The following COL21A1 variants were observed in gnomAD, a reference collection of about 807,000 sequenced individuals.
COL21A1 encodes the protein collagen alpha-1(XXI) chain.
A neutral mutation model predicts 137.9 loss-of-function variants in COL21A1; 149 were observed. The observed-to-expected ratio is 1.08, with a 90% CI of 0.95 to 1.24. COL21A1 has a LOEUF of 1.24. Among genes scored for constraint, COL21A1 ranks in the 50% most tolerant of loss-of-function variants. The pLI, the probability that COL21A1 is intolerant of heterozygous loss-of-function variation, is 0.00. For missense variants in COL21A1, 1,167 were observed against 1,158.4 expected (o/e 1.01, Z -0.11); for synonymous variants, 456 against 391.5 (o/e 1.16, Z -1.95).
At chr6:56,232,721 A>G (rs1207546512) in intron 1 of COL21A1, among the ~76,000 whole-genome samples, 2 of 151,950 alleles carry the variant, frequency 1.3e-5, no homozygotes, top group African/African-American at 4.8e-5. Context: ...TTATTTTACT[A>G]CATCATCCAA....
At chr6:56,153,048 T>A (rs1371181940) in intron 10 of COL21A1, among the ~76,000 whole-genome samples, 1 of 152,040 alleles carries the variant, frequency 6.6e-6, no homozygotes, top group Non-Finnish European at 1.5e-5. Context: ...AGTGAGGAAA[T>A]GCAATAAAGT....
chr6:56,156,836 T>C (rs2152257814), intron 10 of COL21A1, 51 bp downstream of exon 10: 4 of 1,446,854 alleles, frequency 2.8e-6, no homozygotes, highest in Non-Finnish European at 2.9e-6. Context: ...ACTTTTACTT[T>C]GACACTGTAA....
At chr6:56,183,608 C>T (rs1432725414) in intron 1 of COL21A1, among the ~76,000 whole-genome samples, 22 of 152,100 alleles carry the variant, frequency 1.4e-4, no homozygotes, top group Admixed American at 1.4e-3. Flanking sequence ...GAGAGTCTGT[C>T]CCTCTTCCTC....
intron 20 of COL21A1, among the ~76,000 whole-genome samples, chr6:56,072,726 T>C (rs1344513608): frequency 6.6e-6 from 1 of 151,612 alleles, no homozygotes; most frequent in Admixed American, 6.6e-5. Flanking sequence ...GAGACTTGTA[T>C]GGCTCTCTAA....
chr6:56,240,380 C>T (rs1488265355), intron 1 of COL21A1, among the ~76,000 whole-genome samples: 1 of 152,138 alleles, frequency 6.6e-6, no homozygotes, highest in Admixed American at 6.5e-5. Context: ...AACAGAACTG[C>T]CAGTGCCTTG....
intron 1 of COL21A1, among the ~76,000 whole-genome samples, chr6:56,290,498 G>GGTTT (rs371058894): frequency 1.5e-5 from 2 of 132,958 alleles, no homozygotes; most frequent in Non-Finnish European, 1.6e-5. Flanking sequence ...TCACTTAGGA[G>GGTTT]ATTTTTTTTT....
intron 1 of COL21A1, among the ~76,000 whole-genome samples, chr6:56,183,432 T>C (rs112072525): frequency 1.2e-4 from 19 of 152,290 alleles, no homozygotes; most frequent in African/African-American, 4.6e-4. Flanking sequence ...TGCCACAGCA[T>C]ATAAAAAATC....
At chr6:56,145,434 A>G (rs1361313207) in intron 10 of COL21A1, among the ~76,000 whole-genome samples, 1 of 152,168 alleles carries the variant, frequency 6.6e-6, no homozygotes, top group African/African-American at 2.4e-5. Context: ...GGGGAATCCT[A>G]GGGCAAAACA....
intron 1 of COL21A1, among the ~76,000 whole-genome samples, chr6:56,268,957 C>G (rs1763458892): frequency 6.6e-6 from 1 of 152,068 alleles, no homozygotes; most frequent in African/African-American, 2.4e-5. Flanking sequence ...AAAAATTTAC[C>G]ACAAGAATTT....
chr6:56,119,843 C>T (rs1480100366), intron 16 of COL21A1, among the ~76,000 whole-genome samples: 1 of 152,128 alleles, frequency 6.6e-6, no homozygotes, highest in Admixed American at 6.5e-5. Context: ...GCTAGGAACA[C>T]TGGATGTTCC....
In COL21A1 at chr6:56,139,382, G is replaced by A. The variant is rs149224430; in HGVS notation, c.1542+2403C>T. ...ACCAGGTTTAAAGAGATTAACAAGT[G>A]TGATTTGGGAGGTAAGCAGTCTAAA... On this transcript the variant is annotated intron_variant, in intron 12 of 29. Coordinates refer to ENST00000244728, the MANE Select transcript of COL21A1 (RefSeq NM_030820.4). 1.2e-4 allele frequency among the ~76,000 whole-genome samples: 19 copies of A among 152,232 alleles called. No homozygotes were observed. The East Asian group carries it at 3.7e-3, about 29-fold the overall frequency.
intron 1 of COL21A1, among the ~76,000 whole-genome samples, chr6:56,221,648 C>G (rs1780834321): frequency 6.6e-6 from 1 of 152,012 alleles, no homozygotes; most frequent in Non-Finnish European, 1.5e-5. Context: ...TGCTTGAGCC[C>G]AGGAGTTCCA....
At chr6:56,213,293 G>A (rs1235631869) in intron 1 of COL21A1, among the ~76,000 whole-genome samples, 1 of 152,048 alleles carries the variant, frequency 6.6e-6, no homozygotes, top group East Asian at 1.9e-4. Context: ...TCATTATGTA[G>A]TGATGTTTTC....
chr6:56,149,962 CAACTG>C (rs1001500958), intron 10 of COL21A1, among the ~76,000 whole-genome samples: 1 of 152,174 alleles, frequency 6.6e-6, no homozygotes, highest in Non-Finnish European at 1.5e-5. Flanking sequence ...TTGCTCACTC[CAACTG>C]AAAGCCAAAC....
intron 1 of COL21A1, among the ~76,000 whole-genome samples, chr6:56,240,865 A>C (rs1427930053): frequency 6.6e-6 from 1 of 152,150 alleles, no homozygotes; most frequent in African/African-American, 2.4e-5. Flanking sequence ...TAGTGTAGAA[A>C]TGACACATAA....
chr6:56,165,006 T>C (rs1776464561), intron 7 of COL21A1, among the ~76,000 whole-genome samples, 184 bp from the exon 8 acceptor site: 1 of 149,072 alleles, frequency 6.7e-6, no homozygotes, highest in Non-Finnish European at 1.5e-5. Context: ...TACTACTCCA[T>C]TCATATAGGA....
intron 3 of COL21A1, among the ~76,000 whole-genome samples, chr6:56,172,535 C>T (rs957052577): frequency 6.6e-6 from 1 of 152,074 alleles, no homozygotes; most frequent in Admixed American, 6.5e-5. Context: ...CTCAAGGAGT[C>T]CTTCAAGATC....
In COL21A1 at chr6:56,223,309, C is replaced by T. The variant is rs952923901; in HGVS notation, c.-39+24078G>A. Among the ~76,000 whole-genome samples the T allele has an allele frequency of 5.3e-5, 8 of 152,098 alleles. No individual in the cohort carries two copies. The East Asian group carries it at 1.6e-3, about 30-fold the overall frequency. Reference sequence around the variant, plus strand: ...TTCCCACTGAAAAGTAAAAGTGTCCCTCTAATATGAAGGGAAAGACTGTAC... The same window carrying T: ...TTCCCACTGAAAAGTAAAAGTGTCCTTCTAATATGAAGGGAAAGACTGTAC... On this transcript the variant is annotated intron_variant, in intron 1 of 29. Coordinates refer to ENST00000244728, the MANE Select transcript of COL21A1 (RefSeq NM_030820.4).
intron 18 of COL21A1, among the ~76,000 whole-genome samples, chr6:56,076,485 AG>A (rs1767258554): frequency 9.2e-6 from 1 of 108,920 alleles, no homozygotes; most frequent in East Asian, 2.3e-4. Context: ...TTAAAAAAAC[AG>A]AATCATGAAA....
Sources: allele counts gnomAD v4.1 joint callset (sites outside exome capture counted in the v4.1 genomes callset), GRCh38; gene constraint gnomAD v4.1.1; transcripts MANE v1.5; gene names NCBI Gene and HGNC (gene_info 2026-07-23, HGNC 2026-07-21).